The following ZNF729 variants were observed in gnomAD, a reference collection of about 807,000 sequenced individuals.
The protein encoded by ZNF729 is zinc finger protein 729.
In ZNF729, 15 loss-of-function variants were observed where a neutral mutation model predicts 12.2. The ratio of observed to expected loss-of-function variants is 1.23; its 90% CI spans 0.82 to 1.89. The LOEUF is 1.89. Among genes scored for constraint, ZNF729 ranks in the 40% most tolerant of loss-of-function variants. The probability of loss-of-function intolerance (pLI) is 0.00; values close to 1 mark genes in which losing one functional copy is unlikely to be tolerated. For missense variants in ZNF729, 1,540 were observed against 1,456.7 expected (o/e 1.06, Z -0.93); for synonymous variants, 492 against 476.3 (o/e 1.03, Z -0.43).
rs1013229085 is a variant in ZNF729, at chr19:22,317,063, A to T, written c.3646A>T (p.Thr1216Ser). 6.2e-7 allele frequency: 1 copy of T among 1,606,264 alleles called. No individual in the cohort carries two copies. The highest frequency in any genetic ancestry group is 1.1e-5 in the South Asian group (1 of 90,652). Residue 1216 changes from threonine to serine, a missense_variant, in exon 4 of 4, where the codon ACA becomes TCA. Coordinates refer to ENST00000601693, the MANE Select transcript of ZNF729 (RefSeq NM_001242680.2). ...AACAATTCATACCAGAGAGAAACCT[A>T]CAAATGTGAAGAAAGTACCAAAGCT... is the stretch of plus-strand genomic sequence containing the variant. Reference protein sequence around the residue: ...HKTIHTREKPTNVKKVPKLLS... With the variant: ...HKTIHTREKPSNVKKVPKLLS...
At chr19:22,307,023 A>G (rs1440153398) in intron 3 of ZNF729, among the ~76,000 whole-genome samples, 1 of 151,786 alleles carries the variant, frequency 6.6e-6, no homozygotes, top group Non-Finnish European at 1.5e-5. Flanking sequence ...ACTGTCTAGC[A>G]TCATTTTATT....
rs879008525 is a variant in ZNF729 at position 22,314,676 on chromosome 19, A to T, written c.1259A>T (p.Lys420Ile). Residue 420 changes from lysine (K) to isoleucine (I), a missense_variant, in exon 4 of 4, where the codon AAA becomes ATA. By Grantham distance (102) the Lys-to-Ile change is moderately radical (BLOSUM62 -3). Coordinates refer to ENST00000601693, the MANE Select transcript of ZNF729 (RefSeq NM_001242680.2). Reference sequence around the variant, plus strand: ...GCTTTTAGCCAGTTCTCAACCCTTAAAAAACATAAGATAATTCATACTGGA... The same window carrying T: ...GCTTTTAGCCAGTTCTCAACCCTTATAAAACATAAGATAATTCATACTGGA... The part of the protein sequence containing the change: ...GKAFSQFSTL[K>I]KHKIIHTGKK... 6.3e-7 allele frequency: 1 copy of T among 1,597,632 alleles called. No homozygotes were observed. The highest frequency in any genetic ancestry group is 8.5e-7 in the Non-Finnish European group (1 of 1,174,240).
chr19:22,288,315 T>G (rs1968108060), intron 1 of ZNF729, among the ~76,000 whole-genome samples: 2 of 151,838 alleles, frequency 1.3e-5, no homozygotes, highest in Non-Finnish European at 2.9e-5. Context: ...TGTACTGTTT[T>G]TTTTTTTTTT....
chr19:22,301,925 T>A lies in ZNF729; in HGVS notation c.31-1833T>A, dbSNP rs1246573932. 1.0e-4 allele frequency among the ~76,000 whole-genome samples: 16 copies of A among 152,422 alleles called. No individual in the cohort carries two copies. In the East Asian group the frequency reaches 2.9e-3, roughly 28 times the overall value. Reference sequence around the variant, plus strand: ...TAACCAGGGCGGTTCCATTTTCTATTTATAACCAGCCTGAGTCTCTTCTGC... The same window carrying A: ...TAACCAGGGCGGTTCCATTTTCTATATATAACCAGCCTGAGTCTCTTCTGC... On this transcript the variant is annotated intron_variant, in intron 1 of 3. Coordinates refer to ENST00000601693, the MANE Select transcript of ZNF729 (RefSeq NM_001242680.2).
rs933603459 is a variant in ZNF729, at chr19:22,317,061, C to T, written c.3644C>T (p.Pro1215Leu). The T allele has an allele frequency of 2.5e-6, 4 of 1,605,718 alleles. No homozygotes were observed. Among genetic ancestry groups the T allele is most frequent in the African/African-American group, 1.4e-5 (1 of 73,776 alleles). Residue 1215 changes from proline (P) to leucine (L), a missense_variant, in exon 4 of 4, where the codon CCT (proline) becomes CTT (leucine). Pro to Leu is a moderately conservative substitution (Grantham distance 98). Coordinates refer to ENST00000601693, the MANE Select transcript of ZNF729 (RefSeq NM_001242680.2). ...RHKTIHTREK[P>L]TNVKKVPKLL... ...AAAACAATTCATACCAGAGAGAAAC[C>T]TACAAATGTGAAGAAAGTACCAAAG...
Position 22,316,999 on chromosome 19 carries a change from C to T in ZNF729, c.3582C>T (p.Gly1194=), listed in dbSNP as rs1490251596. ...GEKPYKCEEC[G]KAFIQCSYLI... is the part of the protein sequence containing the mutation. The stretch of plus-strand genomic sequence containing the variant: ...AACCCTACAAATGTGAAGAATGTGG[C>T]AAAGCTTTTATTCAGTGCTCATACC... Residue 1194 remains glycine (G), a synonymous_variant, in exon 4 of 4, where the codon GGC becomes GGT. Transcript: ENST00000601693. 28 of 1,612,134 alleles carry T rather than the reference C, an allele frequency of 1.7e-5. No homozygotes were observed. The highest frequency in any genetic ancestry group is 2.1e-5 in the Non-Finnish European group (25 of 1,179,986).
Position 22,317,156 on chromosome 19 carries a change from G to A in ZNF729, c.3739G>A (p.Glu1247Lys). 6.3e-7 allele frequency: 1 copy of A among 1,598,624 alleles called. No homozygotes were observed. ...HTGEKPYKCE[E>K]CAKAF ...TGGAGAGAAACCCTACAAATGTGAAGAATGTGCCAAAGCTTTTTAACCATC... is the reference window on the plus strand; with the variant it reads ...TGGAGAGAAACCCTACAAATGTGAAAAATGTGCCAAAGCTTTTTAACCATC... Residue 1247 changes from glutamate to lysine, a missense_variant, in exon 4 of 4, where the codon GAA becomes AAA. By Grantham distance (56) the Glu-to-Lys change is moderately conservative (BLOSUM62 1). Coordinates refer to ENST00000601693, the MANE Select transcript of ZNF729 (RefSeq NM_001242680.2).
chr19:22,316,447 T>A lies in ZNF729; in HGVS notation c.3030T>A (p.His1010Gln), dbSNP rs778316289. ...DFNNSSTLKK[H>Q]KLIHTREKLY... is the part of the protein sequence containing the mutation. The stretch of plus-strand genomic sequence containing the variant: ...ACAATTCCTCAACCCTTAAGAAACA[T>A]AAGCTAATTCATACTAGGGAGAAAT... The change falls in exon 4 of 4, where the codon CAT becomes CAA. Residue 1010 changes from histidine (H) to glutamine (Q), a missense_variant. Transcript: ENST00000601693. 1 of 1,613,468 alleles carries A rather than the reference T, an allele frequency of 6.2e-7. No homozygotes were observed. Among genetic ancestry groups the A allele is most frequent in the South Asian group, 1.1e-5 (1 of 91,050 alleles).
Position 22,316,822 on chromosome 19 carries a change from A to G in ZNF729, c.3405A>G (p.Glu1135=). 6.2e-7 allele frequency: 1 copy of G among 1,613,188 alleles called. No homozygotes were observed. The highest frequency in any genetic ancestry group is 8.5e-7 in the Non-Finnish European group (1 of 1,179,972). ...CTGGGGAGAAACCCTACAAATGTGAAGAATGTGGCAAAGCCTTTAGTCAGT... is the reference window on the plus strand; with the variant it reads ...CTGGGGAGAAACCCTACAAATGTGAGGAATGTGGCAAAGCCTTTAGTCAGT... ...IHTGEKPYKC[E]ECGKAFSQSS... Residue 1135 remains glutamate (E), a synonymous_variant, in exon 4 of 4, where the codon GAA becomes GAG. Coordinates refer to ENST00000601693, the MANE Select transcript of ZNF729 (RefSeq NM_001242680.2).
intron 3 of ZNF729, among the ~76,000 whole-genome samples, chr19:22,307,007 T>G (rs1286127841): frequency 2.0e-5 from 3 of 151,970 alleles, no homozygotes; most frequent in African/African-American, 4.8e-5. Context: ...TATATGGATT[T>G]TTGATACTGT....
At chr19:22,305,697 GTTAC>G (rs1433804687) in intron 3 of ZNF729, among the ~76,000 whole-genome samples, 1 of 151,880 alleles carries the variant, frequency 6.6e-6, no homozygotes, top group Admixed American at 6.6e-5. Context: ...TTTAAATTCT[GTTAC>G]TTACAGACTA....
chr19:22,304,826 C>G (rs1968359456), intron 3 of ZNF729, 43 bp downstream of exon 3: 1 of 1,586,270 alleles, frequency 6.3e-7, no homozygotes, highest in Non-Finnish European at 8.6e-7. Flanking sequence ...ATAAGAGGTC[C>G]AGAGGTCAAG....
At chr19:22,288,279 CCT>C (rs1285495624) in intron 1 of ZNF729, among the ~76,000 whole-genome samples, 5 of 150,672 alleles carry the variant, frequency 3.3e-5, no homozygotes, top group African/African-American at 7.3e-5. Flanking sequence ...AAAATTATCC[CCT>C]GACACTGCGT....
chr19:22,308,063 T>C (rs1356348939), intron 3 of ZNF729, among the ~76,000 whole-genome samples: 3 of 152,114 alleles, frequency 2.0e-5, no homozygotes, highest in Non-Finnish European at 2.9e-5. Context: ...ATCATTCTTA[T>C]GCCTTTGCAT....
intron 1 of ZNF729, among the ~76,000 whole-genome samples, 198 bp downstream of exon 1, chr19:22,286,753 C>G (rs1254884378): frequency 6.6e-6 from 1 of 152,174 alleles, no homozygotes; most frequent in Admixed American, 6.5e-5. Flanking sequence ...CGACCTGTCT[C>G]CTCCATGCGC....
Position 22,317,004 on chromosome 19 carries a change from CT to C in ZNF729, c.3591del (p.Phe1197LeufsTer22). 6.2e-7 allele frequency: 1 copy of C among 1,612,298 alleles called. No homozygotes were observed. The highest frequency in any genetic ancestry group is 8.5e-7 in the Non-Finnish European group (1 of 1,179,960). The part of the protein sequence containing the change: ...KPYKCEECGK[A>X]FIQCSYLIRH... ...TACAAATGTGAAGAATGTGGCAAAG[CT>C]TTTATTCAGTGCTCATACCTTATTA... is the stretch of plus-strand genomic sequence containing the variant. On this transcript the variant is annotated frameshift_variant, in exon 4 of 4. Coordinates refer to ENST00000601693, the MANE Select transcript of ZNF729 (RefSeq NM_001242680.2). LOFTEE classifies it low-confidence loss of function (END_TRUNC).
In ZNF729 at chr19:22,314,620, G is replaced by T; in HGVS notation, c.1203G>T (p.Glu401Asp). 1.2e-6 allele frequency: 2 copies of T among 1,612,264 alleles called. No individual in the cohort carries two copies. The highest frequency in any genetic ancestry group is 1.7e-6 in the Non-Finnish European group (2 of 1,179,912). Reference protein sequence around the residue: ...LTVHKVVHTGEKPYKCEECGK... With the variant: ...LTVHKVVHTGDKPYKCEECGK... ...TACATAAGGTAGTTCATACTGGAGA[G>T]AAACCCTACAAATGTGAAGAATGTG... Residue 401 changes from glutamate (E) to aspartate (D), a missense_variant, in exon 4 of 4, where the codon GAG (glutamate) becomes GAT (aspartate). Physicochemically the swap from Glu to Asp is conservative, Grantham distance 45. Coordinates refer to ENST00000601693, the MANE Select transcript of ZNF729 (RefSeq NM_001242680.2).
At chr19:22,298,027 A>AAC (rs1968254328) in intron 1 of ZNF729, among the ~76,000 whole-genome samples, 1 of 140,114 alleles carries the variant, frequency 7.1e-6, no homozygotes, top group African/African-American at 2.6e-5. Context: ...AAAAAAAAAA[A>AAC]CACAAAACAT....
chr19:22,309,864 G>A (rs1968429767), intron 3 of ZNF729, among the ~76,000 whole-genome samples: 1 of 151,734 alleles, frequency 6.6e-6, no homozygotes, highest in Non-Finnish European at 1.5e-5. Flanking sequence ...CCATTTGTTT[G>A]TGTCATCTGT....
Sources: gnomAD v4.1 joint callset for allele counts (sites outside exome capture counted in the v4.1 genomes callset) on GRCh38, gnomAD v4.1.1 for gene constraint, MANE v1.5 for transcripts, NCBI Gene and HGNC (gene_info 2026-07-23, HGNC 2026-07-21) for gene names.